RGS12: variants seen among roughly 807,000 people sequenced by gnomAD.
RGS12 encodes the protein regulator of G-protein signaling 12.
A neutral mutation model predicts 120.1 loss-of-function variants in RGS12; 66 were observed. The ratio of observed to expected loss-of-function variants is 0.55; its 90% confidence interval spans 0.45 to 0.67. The LOEUF (loss-of-function observed/expected upper bound fraction) is 0.67. Among genes scored for constraint, RGS12 ranks in the 30% least tolerant of loss-of-function variants. The pLI, the probability that RGS12 is intolerant of heterozygous loss-of-function variation, is 0.00. For synonymous variants in RGS12, 827 were observed against 804.7 expected (o/e 1.03, Z -0.47); for missense variants, 1,859 against 1,957.7 (o/e 0.95, Z 0.95).
chr4:3,299,209 A>C (rs1251804338), intron 1 of RGS12, among the ~76,000 whole-genome samples: 2 of 151,976 alleles, frequency 1.3e-5, no homozygotes, highest in Non-Finnish European at 2.9e-5. Flanking sequence ...CTCTCTGTGC[A>C]TGGATGGCTC....
At chr4:3,323,155 G>A (rs908858782) in intron 2 of RGS12, among the ~76,000 whole-genome samples, 8 of 152,360 alleles carry the variant, frequency 5.3e-5, no homozygotes, top group Non-Finnish European at 1.2e-4. Flanking sequence ...AGCCAGGGGC[G>A]AGCGGGAGGA....
intron 2 of RGS12, among the ~76,000 whole-genome samples, chr4:3,330,396 G>A (rs530165189): frequency 2.0e-5 from 3 of 152,286 alleles, no homozygotes; most frequent in Admixed American, 2.0e-4. Flanking sequence ...TTTCTTGTCT[G>A]GGGTAACCCC....
chr4:3,295,303 T>C (rs1322710058), intron 1 of RGS12, among the ~76,000 whole-genome samples: 1 of 152,092 alleles, frequency 6.6e-6, no homozygotes, highest in Non-Finnish European at 1.5e-5. Flanking sequence ...GCAGGCCTGG[T>C]TGACAGTATG....
chr4:3,431,840 C>T, intron 17 of RGS12: 2 of 985,614 alleles, frequency 2.0e-6, no homozygotes, highest in Non-Finnish European at 2.4e-6. Context: ...GTCCAGGATG[C>T]TGACAGCAGT....
chr4:3,332,227 C>T (rs1711939323), intron 2 of RGS12, among the ~76,000 whole-genome samples: 1 of 152,192 alleles, frequency 6.6e-6, no homozygotes, highest in Middle Eastern at 3.2e-3. Context: ...GCCGCCACAT[C>T]CCTGCAGAAC....
chr4:3,410,356 C>T (rs2109079567), intron 4 of RGS12, among the ~76,000 whole-genome samples: 1 of 152,360 alleles, frequency 6.6e-6, no homozygotes, highest in African/African-American at 2.4e-5. Flanking sequence ...AAGTGATCAT[C>T]CAGCCTGCAT....
At chr4:3,327,532 A>C (rs1212940507) in intron 2 of RGS12, among the ~76,000 whole-genome samples, 1 of 152,228 alleles carries the variant, frequency 6.6e-6, no homozygotes, top group East Asian at 1.9e-4. Flanking sequence ...TATGCACCTG[A>C]CAAGGGTCTA....
intron 2 of RGS12, among the ~76,000 whole-genome samples, chr4:3,321,942 A>G (rs537576372): frequency 1.3e-5 from 2 of 152,380 alleles, no homozygotes; most frequent in South Asian, 2.1e-4. Context: ...TGACTATTAG[A>G]AGAAATATAA....
rs868866978 is a variant in RGS12, at chr4:3,312,374, A to G, written c.-101-3696A>G. The G allele has an allele frequency of 6.1e-5, 10 of 163,846 alleles. 1 individual carries two copies. The highest frequency in any genetic ancestry group is 3.3e-3 in the Middle Eastern group (1 of 302). The allele number at this position is 163,846 out of a possible 1,614,324, so 10.1% of individuals were successfully genotyped here. On this transcript the variant is annotated intron_variant, in intron 1 of 17. Coordinates refer to ENST00000336727, the MANE Select transcript of RGS12 (RefSeq NM_001394154.1). Reference sequence around the variant, plus strand: ...ACCTCGTCTACAGAAAAATTAAAACATTAGCCAAGGTTCACTGGGTGTCTT... The same window carrying G: ...ACCTCGTCTACAGAAAAATTAAAACGTTAGCCAAGGTTCACTGGGTGTCTT...
intron 2 of RGS12, among the ~76,000 whole-genome samples, chr4:3,338,677 C>T (rs781010247): frequency 2.0e-5 from 3 of 152,166 alleles, no homozygotes; most frequent in Non-Finnish European, 2.9e-5. Flanking sequence ...CCACTCAGTG[C>T]CCTTGAGTGC....
chr4:3,428,291 C>T, intron 15 of RGS12, 122 bp downstream of exon 15: 1 of 972,886 alleles, frequency 1.0e-6, no homozygotes, highest in East Asian at 2.4e-5. Flanking sequence ...CCCCACGCTC[C>T]TTGGCGGGGT....
At chr4:3,417,251 G>T (rs1009702218) in intron 8 of RGS12, 137 bp from the exon 9 acceptor site, 27 of 1,308,624 alleles carry the variant, frequency 2.1e-5, no homozygotes, top group Middle Eastern at 2.6e-4. Context: ...GTCCTGTCAG[G>T]GCCACACCAT....
chr4:3,380,978 C>T (rs924176900), intron 3 of RGS12, among the ~76,000 whole-genome samples: 4 of 152,294 alleles, frequency 2.6e-5, no homozygotes, highest in African/African-American at 7.2e-5. Flanking sequence ...TCTGTCACAT[C>T]GTCAGGCTGC....
At chr4:3,378,679 C>G (rs550036926) in intron 3 of RGS12, 1 of 152,266 alleles carries the variant, frequency 6.6e-6, no homozygotes, top group Admixed American at 6.5e-5. Flanking sequence ...TCACCCATCA[C>G]CAGAGAAATG....
intron 1 of RGS12, among the ~76,000 whole-genome samples, chr4:3,298,777 G>T (rs149500467): frequency 5.9e-5 from 9 of 152,106 alleles, no homozygotes; most frequent in Non-Finnish European, 1.2e-4. Flanking sequence ...ATTAAGTTTC[G>T]TGCATTTTAA....
rs369378130 is a variant in RGS12 at position 3,415,907 on chromosome 4, G to C, written c.2284-71G>C. On this transcript the variant is annotated intron_variant, in intron 6 of 17. Transcript: ENST00000336727. The stretch of plus-strand genomic sequence containing the variant: ...CACATCTGTAGAGCCCGGGGGTGTC[G>C]GGCCTTGGCAGGCAGCAGGAGTGCG... 127 of 1,509,316 alleles carry C rather than the reference G, an allele frequency of 8.4e-5. No homozygotes were observed. The African/African-American group carries it at 1.4e-3, about 16-fold the overall frequency. The allele number at this position is 1,509,316 out of a possible 1,614,324, so 93.5% of individuals were successfully genotyped here. A position where few individuals can be genotyped will look rare whatever the true frequency, so the allele number is the denominator to read the frequency against.
intron 3 of RGS12, among the ~76,000 whole-genome samples, chr4:3,359,589 T>C (rs1313438015): frequency 6.8e-6 from 1 of 147,874 alleles, no homozygotes; most frequent in Non-Finnish European, 1.5e-5. Context: ...TTACTAGTTA[T>C]AGGTCTATTC....
rs1478721264 is a variant in RGS12 at position 3,439,611 on chromosome 4, T to C, written c.4271T>C (p.Leu1424Pro). The C allele has an allele frequency of 1.9e-6, 3 of 1,606,250 alleles. No homozygotes were observed. The highest frequency in any genetic ancestry group is 2.6e-6 in the Non-Finnish European group (3 of 1,176,208). Residue 1424 changes from leucine (L) to proline (P), a missense_variant, in exon 18 of 18, where the codon CTC becomes CCC. Coordinates refer to ENST00000336727, the MANE Select transcript of RGS12 (RefSeq NM_001394154.1). ...AGTGGTGGGCCTCCTACATCAGACC[T>C]CCCTGGCTTGGGCCCCGTCCCGGGT... is the stretch of plus-strand genomic sequence containing the variant. ...QASGGPPTSD[L>P]PGLGPVPGEP... is the part of the protein sequence containing the mutation.
At chr4:3,287,307 A>T in the RGS12 span, among the ~76,000 whole-genome samples, 14 of 152,226 alleles carry the variant, frequency 9.2e-5, no homozygotes, top group African/African-American at 3.4e-4. Context: ...CTGTAAAGGA[A>T]AACACCCTCC....
Sources: gnomAD v4.1 joint callset for allele counts (sites outside exome capture counted in the v4.1 genomes callset) on GRCh38, gnomAD v4.1.1 for gene constraint, MANE v1.5 for transcripts, NCBI Gene and HGNC (gene_info 2026-07-23, HGNC 2026-07-21) for gene names.